RASGRF2: variants seen among roughly 807,000 people sequenced by gnomAD.
The protein encoded by RASGRF2 is ras-specific guanine nucleotide-releasing factor 2.
Under a neutral mutation model 151.0 loss-of-function variants are expected in RASGRF2, and 76 were observed. The ratio of observed to expected loss-of-function variants is 0.50; its 90% CI spans 0.42 to 0.61. The LOEUF (loss-of-function observed/expected upper bound fraction) is 0.61. Among genes scored for constraint, RASGRF2 ranks in the 20% least tolerant of loss-of-function variants. The pLI, the probability that RASGRF2 is intolerant of heterozygous loss-of-function variation, is 0.00. For missense variants in RASGRF2, 1,148 were observed against 1,564.6 expected (o/e 0.73, Z 4.49); for synonymous variants, 504 against 566.5 (o/e 0.89, Z 1.57).
chr5:81,123,439 C>G (rs1260704464), intron 15 of RASGRF2, among the ~76,000 whole-genome samples: 1 of 152,172 alleles, frequency 6.6e-6, no homozygotes, highest in East Asian at 1.9e-4. Context: ...TAGGGTCAGC[C>G]AGGCCCAACA....
At chr5:80,969,160 T>C (rs1747821211) in intron 1 of RASGRF2, among the ~76,000 whole-genome samples, 4 of 138,658 alleles carry the variant, frequency 2.9e-5, no homozygotes, top group South Asian at 4.7e-4. Flanking sequence ...AGTTGGAGTC[T>C]CGCTCTGTCA....
intron 16 of RASGRF2, among the ~76,000 whole-genome samples, chr5:81,125,472 G>A (rs561711707): frequency 6.6e-6 from 1 of 152,252 alleles, no homozygotes; most frequent in East Asian, 1.9e-4. Flanking sequence ...GACTTTCCTG[G>A]CTTGTCATAG....
chr5:81,031,316 G>A (rs1206785793), intron 1 of RASGRF2, among the ~76,000 whole-genome samples: 1 of 152,104 alleles, frequency 6.6e-6, no homozygotes, highest in East Asian at 1.9e-4. Flanking sequence ...GACATCTACA[G>A]AACTCTCCAC....
intron 19 of RASGRF2, 25 bp from the exon 20 acceptor site, chr5:81,206,820 G>A: frequency 6.3e-7 from 1 of 1,586,884 alleles, no homozygotes; most frequent in South Asian, 1.1e-5. Context: ...TTCTTTCATG[G>A]AGGATAATTT....
intron 12 of RASGRF2, among the ~76,000 whole-genome samples, chr5:81,098,346 G>A (rs1000943256): frequency 3.9e-5 from 6 of 152,132 alleles, no homozygotes; most frequent in Non-Finnish European, 7.3e-5. Flanking sequence ...ATAAGCAGTG[G>A]GATATAGAAG....
chr5:81,009,599 C>A (rs971653644), intron 1 of RASGRF2, among the ~76,000 whole-genome samples: 7 of 152,068 alleles, frequency 4.6e-5, no homozygotes, highest in Non-Finnish European at 8.8e-5. Context: ...AATGGAGTAA[C>A]CCAAAAGTCA....
At chr5:81,057,811 A>G (rs1004163040) in intron 2 of RASGRF2, among the ~76,000 whole-genome samples, 2 of 152,038 alleles carry the variant, frequency 1.3e-5, no homozygotes, top group African/African-American at 4.8e-5. Context: ...CCTGGGGAAC[A>G]TAGTGAGACC....
At chr5:81,200,298 ATAG>A (rs1352268699) in intron 18 of RASGRF2, among the ~76,000 whole-genome samples, 38 of 151,986 alleles carry the variant, frequency 2.5e-4, no homozygotes, top group Non-Finnish European at 3.5e-4. Context: ...AAGAAGAAGA[ATAG>A]TTTTATTTTC....
intron 16 of RASGRF2, among the ~76,000 whole-genome samples, chr5:81,126,352 C>CT (rs1361020104): frequency 6.6e-5 from 10 of 152,228 alleles, no homozygotes; most frequent in Non-Finnish European, 1.2e-4. Context: ...GATATGGTAT[C>CT]TTTTTTAAGA....
At chr5:81,148,801 T>TA (rs1420993073) in intron 17 of RASGRF2, among the ~76,000 whole-genome samples, 1 of 151,732 alleles carries the variant, frequency 6.6e-6, no homozygotes, top group African/African-American at 2.4e-5. Context: ...TGTGCACATG[T>TA]ACCCTAAAAC....
At chr5:81,205,438 T>TA (rs1755484240) in intron 19 of RASGRF2, among the ~76,000 whole-genome samples, 1 of 152,230 alleles carries the variant, frequency 6.6e-6, no homozygotes. Context: ...TGCTGTCCTG[T>TA]ATAACAATCC....
intron 12 of RASGRF2, among the ~76,000 whole-genome samples, chr5:81,102,916 T>G (rs1295038081): frequency 6.6e-6 from 1 of 152,102 alleles, no homozygotes; most frequent in Non-Finnish European, 1.5e-5. Flanking sequence ...ACAAATCTTG[T>G]GAGTAAATTA....
At chr5:81,086,712 C>G in intron 8 of RASGRF2, 123 bp from the exon 9 acceptor site, 1 of 767,814 alleles carries the variant, frequency 1.3e-6, no homozygotes. Flanking sequence ...CTATTTCCCC[C>G]AAACCCCCGG....
At chr5:81,014,230 T>C (rs1455595620) in intron 1 of RASGRF2, among the ~76,000 whole-genome samples, 2 of 152,216 alleles carry the variant, frequency 1.3e-5, no homozygotes, top group East Asian at 1.9e-4. Flanking sequence ...ACAGAATTTG[T>C]TTCATACTTG....
chr5:81,099,669 C>T (rs982009017), intron 12 of RASGRF2, among the ~76,000 whole-genome samples: 15 of 152,146 alleles, frequency 9.9e-5, no homozygotes, highest in African/African-American at 3.6e-4. Flanking sequence ...TCACATTTAT[C>T]ACATTTTTCT....
At chr5:81,061,831 T>C (rs1284960424) in intron 2 of RASGRF2, among the ~76,000 whole-genome samples, 1 of 151,724 alleles carries the variant, frequency 6.6e-6, no homozygotes, top group Non-Finnish European at 1.5e-5. Context: ...GGGCTACAGG[T>C]GCATGCCACC....
chr5:81,056,168 G>T (rs962670777), intron 2 of RASGRF2, among the ~76,000 whole-genome samples: 4 of 152,016 alleles, frequency 2.6e-5, no homozygotes, highest in Admixed American at 2.6e-4. Context: ...GCCTTCTGCT[G>T]GCTTTTGAAT....
chr5:80,964,480 T>A (rs186170046), intron 1 of RASGRF2, among the ~76,000 whole-genome samples: 15 of 152,260 alleles, frequency 9.9e-5, no homozygotes, highest in African/African-American at 3.4e-4. Flanking sequence ...TTGGAGATGA[T>A]GAGTATTAAC....
chr5:81,022,614 T>C (rs1335160899), intron 1 of RASGRF2, among the ~76,000 whole-genome samples: 1 of 152,186 alleles, frequency 6.6e-6, no homozygotes, highest in Non-Finnish European at 1.5e-5. Flanking sequence ...CTGTACCACG[T>C]GTGTCCCTGC....
Sources: gnomAD v4.1 joint callset for allele counts (sites outside exome capture counted in the v4.1 genomes callset) on GRCh38, gnomAD v4.1.1 for gene constraint, MANE v1.5 for transcripts, NCBI Gene and HGNC (gene_info 2026-07-23, HGNC 2026-07-21) for gene names.